SETBP1: variants seen among roughly 807,000 people sequenced by gnomAD.
SETBP1 encodes the protein SET-binding protein.
A neutral mutation model predicts 101.0 loss-of-function variants in SETBP1; 9 were observed. That is an observed-to-expected ratio of 0.09 (90% confidence interval 0.05 to 0.16). SETBP1 has a LOEUF of 0.16. Among genes scored for constraint, SETBP1 ranks in the 10% least tolerant of loss-of-function variants. SETBP1 has a pLI of 1.00. For synonymous variants in SETBP1, 818 were observed against 788.5 expected (o/e 1.04, Z -0.63); for missense variants, 1,858 against 2,033.8 (o/e 0.91, Z 1.66).
At position 45,063,338 on chromosome 18, in the gene SETBP1, A is replaced by G; in HGVS notation, c.4431A>G (p.Lys1477=). 6.3e-7 allele frequency: 1 copy of G among 1,591,016 alleles called. No homozygotes were observed. Among genetic ancestry groups the G allele is most frequent in the Non-Finnish European group, 8.6e-7 (1 of 1,169,038 alleles). Residue 1477 remains lysine, a synonymous_variant, in exon 6 of 6, where the codon AAA becomes AAG. Transcript: ENST00000649279. ...DSRDQMPVLE[K]CIDLPSKRGQ... ...GAGACCAAATGCCGGTGCTGGAAAAATGCATCGACCTGCCCAGCAAAAGAG... is the reference window on the plus strand; with the variant it reads ...GAGACCAAATGCCGGTGCTGGAAAAGTGCATCGACCTGCCCAGCAAAAGAG...
At chr18:44,896,669 T>C (rs2069910305) in intron 3 of SETBP1, among the ~76,000 whole-genome samples, 1 of 152,082 alleles carries the variant, frequency 6.6e-6, no homozygotes. Context: ...TTTGTATTTT[T>C]AGTAGAGATG....
chr18:44,703,797 A>G (rs1316088782), intron 2 of SETBP1, among the ~76,000 whole-genome samples: 2 of 152,226 alleles, frequency 1.3e-5, no homozygotes, highest in Non-Finnish European at 2.9e-5. Context: ...ATCTCCACAC[A>G]TACAGAAACT....
chr18:44,809,214 T>C (rs2071809460), intron 2 of SETBP1, among the ~76,000 whole-genome samples: 1 of 151,994 alleles, frequency 6.6e-6, no homozygotes, highest in Non-Finnish European at 1.5e-5. Context: ...TTCCCTTCAC[T>C]CTCCTATAAA....
intron 4 of SETBP1, among the ~76,000 whole-genome samples, chr18:44,966,088 A>G (rs1410972195): frequency 1.3e-5 from 2 of 152,374 alleles, no homozygotes; most frequent in East Asian, 1.9e-4. Context: ...TTGGAACAGA[A>G]AAAGAAGAAT....
intron 3 of SETBP1, among the ~76,000 whole-genome samples, chr18:44,879,592 A>G (rs2069484339): frequency 6.6e-6 from 1 of 152,182 alleles, no homozygotes; most frequent in Non-Finnish European, 1.5e-5. Flanking sequence ...ATTGTCCAAC[A>G]GAAAAAACAA....
chr18:44,973,869 A>C (rs145176644), intron 4 of SETBP1, among the ~76,000 whole-genome samples: 2,069 of 152,228 alleles, frequency 0.014, 49 homozygotes, highest in African/African-American at 0.047. Flanking sequence ...GATACCACAC[A>C]AAGGTTTTAA....
At chr18:44,899,776 C>A (rs372636824) in intron 3 of SETBP1, among the ~76,000 whole-genome samples, 2 of 151,950 alleles carry the variant, frequency 1.3e-5, no homozygotes, top group East Asian at 3.9e-4. Flanking sequence ...GTAGAAGAGA[C>A]CCAAAATTCA....
At chr18:44,833,276 A>G (rs2072417711) in intron 2 of SETBP1, among the ~76,000 whole-genome samples, 1 of 152,204 alleles carries the variant, frequency 6.6e-6, no homozygotes, top group Admixed American at 6.5e-5. Context: ...AGAATGTTGG[A>G]AGCAGCAGTT....
chr18:44,725,100 A>G (rs2069678873), intron 2 of SETBP1, among the ~76,000 whole-genome samples: 1 of 152,148 alleles, frequency 6.6e-6, no homozygotes, highest in Admixed American at 6.5e-5. Flanking sequence ...GTAGCTGCCC[A>G]TAGAGTTACC....
chr18:45,019,924 A>T (rs2073022419), intron 4 of SETBP1, among the ~76,000 whole-genome samples: 1 of 152,154 alleles, frequency 6.6e-6, no homozygotes, highest in Non-Finnish European at 1.5e-5. Context: ...CTGCTTAAGA[A>T]AAAGCACCTA....
chr18:45,027,549 A>G (rs1568036460), intron 4 of SETBP1, among the ~76,000 whole-genome samples: 1 of 152,228 alleles, frequency 6.6e-6, no homozygotes, highest in African/African-American at 2.4e-5. Flanking sequence ...AAAAGAATAT[A>G]AAGTCTCTGC....
intron 5 of SETBP1, among the ~76,000 whole-genome samples, chr18:45,060,134 A>G (rs1425848075): frequency 6.6e-6 from 1 of 152,176 alleles, no homozygotes; most frequent in Non-Finnish European, 1.5e-5. Flanking sequence ...ATATTGCATT[A>G]TTTTATGTAA....
At chr18:44,731,654 G>A (rs541278029) in intron 2 of SETBP1, among the ~76,000 whole-genome samples, 46 of 149,104 alleles carry the variant, frequency 3.1e-4, no homozygotes, top group South Asian at 4.3e-4. Flanking sequence ...ACACACACAC[G>A]CGCACGCACA....
intron 4 of SETBP1, among the ~76,000 whole-genome samples, chr18:45,025,933 G>A (rs769536723): frequency 1.3e-5 from 2 of 152,296 alleles, no homozygotes; most frequent in African/African-American, 2.4e-5. Context: ...TTATGTGCAC[G>A]CATGCACTAA....
chr18:44,776,543 G>A (rs1031138210), intron 2 of SETBP1, among the ~76,000 whole-genome samples: 1 of 152,076 alleles, frequency 6.6e-6, no homozygotes, highest in African/African-American at 2.4e-5. Flanking sequence ...TAAGCTCCTG[G>A]GCTCCAGGGC....
chr18:44,781,351 A>G (rs377285425), intron 2 of SETBP1, among the ~76,000 whole-genome samples: 2 of 152,148 alleles, frequency 1.3e-5, no homozygotes, highest in East Asian at 3.8e-4. Context: ...GATTTCACAC[A>G]TGGTATTCTG....
At chr18:44,727,531 G>A (rs1183229029) in intron 2 of SETBP1, among the ~76,000 whole-genome samples, 1 of 152,162 alleles carries the variant, frequency 6.6e-6, no homozygotes, top group Non-Finnish European at 1.5e-5. Context: ...TATGAGCCCT[G>A]TAGTAAGTTG....
intron 3 of SETBP1, among the ~76,000 whole-genome samples, chr18:44,934,167 T>C (rs1416614359): frequency 1.3e-5 from 2 of 151,756 alleles, no homozygotes; most frequent in Non-Finnish European, 2.9e-5. Flanking sequence ...TTTCTTTTTT[T>C]AGACTGAGTC....
intron 2 of SETBP1, among the ~76,000 whole-genome samples, chr18:44,797,982 T>C (rs1224808152): frequency 6.6e-6 from 1 of 152,166 alleles, no homozygotes; most frequent in Non-Finnish European, 1.5e-5. Flanking sequence ...TGGTGTCTTA[T>C]GAACACATTC....
Sources: allele counts gnomAD v4.1 joint callset (sites outside exome capture counted in the v4.1 genomes callset), GRCh38; gene constraint gnomAD v4.1.1; transcripts MANE v1.5; gene names NCBI Gene and HGNC (gene_info 2026-07-23, HGNC 2026-07-21).